USPL1: variants seen among roughly 807,000 people sequenced by gnomAD.
USPL1 encodes the protein ubiquitin specific peptidase like 1.
A neutral mutation model predicts 51.5 loss-of-function variants in USPL1; 27 were observed. The observed-to-expected ratio is 0.52, with a 90% CI of 0.39 to 0.72. USPL1 has a LOEUF of 0.72. USPL1 is among the 30% of genes least tolerant of loss of function. USPL1 has a pLI of 0.00. For missense variants in USPL1, 1,226 were observed against 1,268.0 expected, an observed-to-expected ratio of 0.97 and a Z score of 0.50; for synonymous variants, 451 against 459.6, an observed-to-expected ratio of 0.98 and a Z score of 0.24.
At chr13:30,625,275 T>A (rs902102051) in intron 3 of USPL1, among the ~76,000 whole-genome samples, 1 of 151,862 alleles carries the variant, frequency 6.6e-6, no homozygotes, top group Non-Finnish European at 1.5e-5. Flanking sequence ...GCTTGAAAAA[T>A]TAGAAGAATG....
At chr13:30,643,613 CTTTT>C (rs1173017334) in intron 6 of USPL1, among the ~76,000 whole-genome samples, 1 of 115,654 alleles carries the variant, frequency 8.6e-6, no homozygotes, top group Non-Finnish European at 1.7e-5. Flanking sequence ...CCCCCCCGCC[CTTTT>C]TTTTTTTTTG....
intron 4 of USPL1, among the ~76,000 whole-genome samples, chr13:30,635,302 A>G (rs1479774171): frequency 6.6e-6 from 1 of 152,134 alleles, no homozygotes; most frequent in African/African-American, 2.4e-5. Context: ...TGACATTGAA[A>G]TTTCTCATTC....
intron 1 of USPL1, among the ~76,000 whole-genome samples, 184 bp downstream of exon 1, chr13:30,618,240 G>C (rs1202724238): frequency 6.6e-6 from 1 of 152,190 alleles, no homozygotes; most frequent in African/African-American, 2.4e-5. Flanking sequence ...GCGCAGAGAG[G>C]TGAACGCTGA....
At chr13:30,632,886 A>G (rs951120665) in intron 4 of USPL1, among the ~76,000 whole-genome samples, 1 of 152,186 alleles carries the variant, frequency 6.6e-6, no homozygotes, top group South Asian at 2.1e-4. Context: ...TATGTTTTTC[A>G]TTTTATTCTC....
chr13:30,649,506 A>G (rs1034336202), intron 7 of USPL1, among the ~76,000 whole-genome samples: 4 of 152,248 alleles, frequency 2.6e-5, no homozygotes, highest in African/African-American at 9.6e-5. Flanking sequence ...AAAAGAGTCC[A>G]TTGATAAATC....
rs1488187581 is a variant in USPL1, at chr13:30,618,036, G to A, written c.-89G>A. 2.0e-5 allele frequency: 3 copies of A among 152,456 alleles called. No homozygotes were observed. The highest frequency in any genetic ancestry group is 4.4e-5 in the Non-Finnish European group (3 of 68,246). 9.4% of individuals were successfully genotyped at this position (152,456 alleles called of 1,614,324 possible). On this transcript the variant is annotated 5_prime_UTR_variant, in exon 1 of 9. Coordinates refer to ENST00000255304, the MANE Select transcript of USPL1 (RefSeq NM_005800.5). Reference sequence around the variant, plus strand: ...GGAGTTCCGATCGACCCGGTACCAAGAAGGGGAGTGCCCGCGGCAGGTAAG... The same window carrying A: ...GGAGTTCCGATCGACCCGGTACCAAAAAGGGGAGTGCCCGCGGCAGGTAAG...
rs1434624836 is a variant in USPL1 at position 30,631,066 on chromosome 13, C to A, written c.460C>A (p.Pro154Thr). The A allele has an allele frequency of 1.9e-6, 3 of 1,614,124 alleles. No individual in the cohort carries two copies. Among genetic ancestry groups the A allele is most frequent in the Middle Eastern group, 3.3e-4 (2 of 6,062 alleles). Residue 154 changes from proline (P) to threonine (T), a missense_variant, in exon 4 of 9, where the codon CCT (proline) becomes ACT (threonine). Transcript: ENST00000255304. ...ATATGACGAAACCTCGTCAAACTTACCTGATAGTAGTGGTCAACAGAATCC... is the reference window on the plus strand; with the variant it reads ...ATATGACGAAACCTCGTCAAACTTAACTGATAGTAGTGGTCAACAGAATCC... The part of the protein sequence containing the change: ...EVYDETSSNL[P>T]DSSGQQNPIR...
At chr13:30,651,687 G>A (rs978539970) in intron 7 of USPL1, among the ~76,000 whole-genome samples, 1 of 152,206 alleles carries the variant, frequency 6.6e-6, no homozygotes, top group African/African-American at 2.4e-5. Flanking sequence ...CAGGCCAGGC[G>A]TGGTGGCTTA....
rs796356342 is a variant in USPL1 at position 30,624,630 on chromosome 13, G to GA, written c.228+2748dup. Among the ~76,000 whole-genome samples, 606 of 144,784 alleles carry GA rather than the reference G, an allele frequency of 4.2e-3. 3 individuals carry two copies. Among genetic ancestry groups the GA allele is most frequent in the African/African-American group, 0.014 (566 of 39,438 alleles). 95.0% of individuals were successfully genotyped at this position (144,784 alleles called of 152,430 possible). On this transcript the variant is annotated intron_variant, in intron 3 of 8. Coordinates refer to ENST00000255304, the MANE Select transcript of USPL1 (RefSeq NM_005800.5). ...GTGTGAGACCCTGTCTCTATTAAAA[G>GA]AAAAAAAAAAGACAAATAGATCCAG...
Position 30,653,130 on chromosome 13 carries a change from T to C in USPL1, c.1239-18T>C. ...GGCATTAAATTTATTTAACTTCTCT[T>C]GCTTTTCTCTCCCACAGAGTATCTC... On this transcript the variant is annotated intron_variant, in intron 7 of 8. Coordinates refer to ENST00000255304, the MANE Select transcript of USPL1 (RefSeq NM_005800.5). The C allele has an allele frequency of 6.4e-7, 1 of 1,553,786 alleles. No homozygotes were observed. The highest frequency in any genetic ancestry group is 1.2e-5 in the South Asian group (1 of 84,252).
At chr13:30,625,877 C>T (rs903824629) in intron 3 of USPL1, among the ~76,000 whole-genome samples, 3 of 152,022 alleles carry the variant, frequency 2.0e-5, no homozygotes, top group African/African-American at 4.8e-5. Context: ...AATTTCTAGT[C>T]AGCAATGAGA....
Position 30,659,555 on chromosome 13 carries a change from T to A in USPL1, c.*199T>A. 1 of 489,114 alleles carries A rather than the reference T, an allele frequency of 2.0e-6. No individual in the cohort carries two copies. The highest frequency in any genetic ancestry group is 4.4e-5 in the South Asian group (1 of 22,806). 30.3% of individuals were successfully genotyped at this position (489,114 alleles called of 1,614,324 possible). On this transcript the variant is annotated 3_prime_UTR_variant, in exon 9 of 9. Transcript: ENST00000255304. ...ATTAAAATCACTGAATGTGTTCTCC[T>A]TTTTGGTTTCATTTTGTTCTTGTGA...
At chr13:30,655,740 A>G (rs1435829827) in intron 8 of USPL1, among the ~76,000 whole-genome samples, 1 of 152,262 alleles carries the variant, frequency 6.6e-6, no homozygotes, top group East Asian at 1.9e-4. Flanking sequence ...TGCTAAAACA[A>G]TGTTTTCTAA....
At chr13:30,625,923 C>T (rs1950709446) in intron 3 of USPL1, among the ~76,000 whole-genome samples, 1 of 151,874 alleles carries the variant, frequency 6.6e-6, no homozygotes, top group Non-Finnish European at 1.5e-5. Flanking sequence ...TGGTTTACAC[C>T]AGGAGTGAGC....
chr13:30,626,287 C>A (rs952518226), intron 3 of USPL1, among the ~76,000 whole-genome samples: 3 of 151,760 alleles, frequency 2.0e-5, no homozygotes, highest in Admixed American at 6.6e-5. Flanking sequence ...GCACTCCAGC[C>A]TGGGCGACAG....
chr13:30,637,096 C>T (rs938218117), intron 4 of USPL1, among the ~76,000 whole-genome samples: 3 of 152,106 alleles, frequency 2.0e-5, no homozygotes, highest in Non-Finnish European at 2.9e-5. Context: ...GCTGGGACTA[C>T]GGGTGGGTAC....
Position 30,621,886 on chromosome 13 carries a change from T to C in USPL1, c.222T>C (p.Asp74=). Reference sequence around the variant, plus strand: ...AAGAATCTATCTTTTTGTGTGAGGATCTGCAGGTAAAGTATTAATCTTATA... The same window carrying C: ...AAGAATCTATCTTTTTGTGTGAGGACCTGCAGGTAAAGTATTAATCTTATA... ...SFQESIFLCE[D]LQCIYPLGSK... is the part of the protein sequence containing the mutation. The change falls in exon 3 of 9, where the codon GAT becomes GAC. Residue 74 remains aspartate (D), a synonymous_variant. Coordinates refer to ENST00000255304, the MANE Select transcript of USPL1 (RefSeq NM_005800.5). 6.5e-7 allele frequency: 1 copy of C among 1,545,834 alleles called. No individual in the cohort carries two copies. Among genetic ancestry groups the C allele is most frequent in the Non-Finnish European group, 8.7e-7 (1 of 1,150,466 alleles).
intron 5 of USPL1, among the ~76,000 whole-genome samples, chr13:30,639,964 A>G (rs1950925426): frequency 6.6e-6 from 1 of 152,156 alleles, no homozygotes; most frequent in East Asian, 1.9e-4. Flanking sequence ...TATGTAACAG[A>G]AGGAATTTTT....
intron 4 of USPL1, 112 bp downstream of exon 4, chr13:30,631,586 G>T: frequency 1.8e-6 from 2 of 1,115,308 alleles, no homozygotes; most frequent in South Asian, 1.7e-5. Context: ...TTGCAGCCTT[G>T]ACTTCCCTGG....
Sources: allele counts gnomAD v4.1 joint callset (sites outside exome capture counted in the v4.1 genomes callset), GRCh38; gene constraint gnomAD v4.1.1; transcripts MANE v1.5; gene names NCBI Gene and HGNC (gene_info 2026-07-23, HGNC 2026-07-21).